LAMA3: variants seen among roughly 807,000 people sequenced by gnomAD.
The protein encoded by LAMA3 is laminin subunit alpha 3.
LAMA3 carries 281 observed loss-of-function variants against 402.0 expected under a neutral mutation model. The ratio of observed to expected loss-of-function variants is 0.70; its 90% CI spans 0.63 to 0.77. LAMA3 has a LOEUF of 0.77. Among genes scored for constraint, LAMA3 ranks in the 30% least tolerant of loss-of-function variants. The pLI, the probability that LAMA3 is intolerant of heterozygous loss-of-function variation, is 0.00. For synonymous variants in LAMA3, 1,431 were observed against 1,558.4 expected, an observed-to-expected ratio of 0.92 and a Z score of 1.93; for missense variants, 3,840 against 4,215.5, an observed-to-expected ratio of 0.91 and a Z score of 2.47.
intron 8 of LAMA3, among the ~76,000 whole-genome samples, chr18:23,772,737 G>A (rs2062228188): frequency 6.6e-6 from 1 of 152,166 alleles, no homozygotes; most frequent in Non-Finnish European, 1.5e-5. Context: ...TTGTGTTTTT[G>A]TTCTTGTTAA....
At chr18:23,697,987 CCTCTT>C (rs1004074283) in intron 1 of LAMA3, among the ~76,000 whole-genome samples, 5 of 151,970 alleles carry the variant, frequency 3.3e-5, no homozygotes, top group Admixed American at 1.3e-4. Flanking sequence ...GTCCCCAACT[CCTCTT>C]CTTATAGGGA....
intron 37 of LAMA3, 46 bp from the exon 38 acceptor site, chr18:23,871,385 G>C (rs757599638): frequency 1.1e-5 from 17 of 1,543,998 alleles, no homozygotes; most frequent in South Asian, 2.2e-5. Flanking sequence ...ACCCCTGGAA[G>C]TGAGCCTGCC....
chr18:23,810,856 G>A (rs760705644), intron 13 of LAMA3, among the ~76,000 whole-genome samples: 1 of 152,102 alleles, frequency 6.6e-6, no homozygotes, highest in Non-Finnish European at 1.5e-5. Flanking sequence ...CTTCTGTCCC[G>A]AGGCATCATG....
At chr18:23,806,016 A>G (rs571975034) in intron 12 of LAMA3, among the ~76,000 whole-genome samples, 14 of 152,174 alleles carry the variant, frequency 9.2e-5, no homozygotes, top group Non-Finnish European at 2.1e-4. Flanking sequence ...TTCCACTTCT[A>G]CAAAGCAAGT....
chr18:23,702,966 T>C (rs2060818353), intron 1 of LAMA3, among the ~76,000 whole-genome samples: 1 of 152,342 alleles, frequency 6.6e-6, no homozygotes, highest in African/African-American at 2.4e-5. Flanking sequence ...ATTGAGTTAA[T>C]GCATATAAAG....
rs577661679 is a variant in LAMA3 at position 23,712,772 on chromosome 18, A to G, written c.295-1148A>G. Among the ~76,000 whole-genome samples the G allele has an allele frequency of 6.0e-5, 9 of 151,126 alleles. 1 individual carries two copies. In the South Asian group the frequency reaches 1.9e-3, roughly 32 times the overall value. The stretch of plus-strand genomic sequence containing the variant: ...TCTGAACACTTAAGAATTAACTTCT[A>G]AGATGCTGGCTAGGGGCAGAGCTAC... On this transcript the variant is annotated intron_variant, in intron 1 of 74. Coordinates refer to ENST00000313654, the MANE Select transcript of LAMA3 (RefSeq NM_198129.4).
At chr18:23,939,119 A>AAGGGG in intron 67 of LAMA3, 104 bp from the exon 68 acceptor site, 1 of 1,237,980 alleles carries the variant, frequency 8.1e-7, no homozygotes, top group East Asian at 2.3e-5. Context: ...TGCCCTACTG[A>AAGGGG]ATTCCTCACT....
intron 41 of LAMA3, among the ~76,000 whole-genome samples, chr18:23,889,594 T>C (rs893896933): frequency 1.5e-5 from 2 of 132,360 alleles, no homozygotes; most frequent in Non-Finnish European, 3.3e-5. Flanking sequence ...AAGAGAGAAA[T>C]AAAGAAAGAA....
At position 23,759,612 on chromosome 18, in the gene LAMA3, G is replaced by C. The variant is rs149494065; in HGVS notation, c.1063+1101G>C. Among the ~76,000 whole-genome samples, 306 of 152,252 alleles carry C rather than the reference G, an allele frequency of 2.0e-3. 1 individual carries two copies. Among genetic ancestry groups the C allele is most frequent in the African/African-American group, 7.1e-3 (297 of 41,556 alleles). ...AGTAGGGATGGGGTTTCGCCATGTTGGCCAGGCTGGTCTTGAACTCCTAGC... is the reference window on the plus strand; with the variant it reads ...AGTAGGGATGGGGTTTCGCCATGTTCGCCAGGCTGGTCTTGAACTCCTAGC... On this transcript the variant is annotated intron_variant, in intron 7 of 74. Coordinates refer to ENST00000313654, the MANE Select transcript of LAMA3 (RefSeq NM_198129.4).
intron 62 of LAMA3, among the ~76,000 whole-genome samples, chr18:23,924,628 T>TCCA (rs2081950519): frequency 7.0e-6 from 1 of 142,424 alleles, no homozygotes; most frequent in Non-Finnish European, 1.5e-5. Flanking sequence ...TACTGCAACC[T>TCCA]CCACCTCCCG....
intron 20 of LAMA3, 61 bp downstream of exon 20, chr18:23,822,436 T>G: frequency 6.5e-7 from 1 of 1,533,624 alleles, no homozygotes; most frequent in Non-Finnish European, 9.0e-7. Flanking sequence ...AGTGAAACAC[T>G]TTCTCTGATT....
intron 12 of LAMA3, among the ~76,000 whole-genome samples, chr18:23,797,765 T>C (rs2144151290): frequency 6.6e-6 from 1 of 152,278 alleles, no homozygotes; most frequent in African/African-American, 2.4e-5. Context: ...TTAAAACCCT[T>C]CTAAGCTGCT....
chr18:23,805,480 C>T (rs1297041989), intron 12 of LAMA3, among the ~76,000 whole-genome samples: 1 of 152,312 alleles, frequency 6.6e-6, no homozygotes, highest in South Asian at 2.1e-4. Context: ...ATCATAATAA[C>T]TTCCACTCCA....
At chr18:23,917,541 G>T (rs1433589975) in intron 60 of LAMA3, among the ~76,000 whole-genome samples, 3 of 151,966 alleles carry the variant, frequency 2.0e-5, no homozygotes, top group Admixed American at 6.6e-5. Flanking sequence ...ATTATTTTTT[G>T]ACTTTTTCAT....
At chr18:23,921,200 T>C in intron 61 of LAMA3, 146 bp downstream of exon 61, 1 of 1,034,606 alleles carries the variant, frequency 9.7e-7, no homozygotes, top group Non-Finnish European at 1.4e-6. Context: ...TTTTAAAATT[T>C]GCACATTTCG....
At chr18:23,724,247 G>A (rs866727075) in intron 2 of LAMA3, among the ~76,000 whole-genome samples, 1 of 152,106 alleles carries the variant, frequency 6.6e-6, no homozygotes, top group Non-Finnish European at 1.5e-5. Context: ...TCAATGGTAT[G>A]TACGTATACA....
intron 12 of LAMA3, among the ~76,000 whole-genome samples, chr18:23,789,172 C>A (rs1173896006): frequency 6.6e-6 from 1 of 152,026 alleles, no homozygotes; most frequent in African/African-American, 2.4e-5. Context: ...CAGGCAATAA[C>A]AAGCGTTGGC....
At chr18:23,904,205 A>T in intron 50 of LAMA3, 118 bp downstream of exon 50, 1 of 1,183,420 alleles carries the variant, frequency 8.5e-7, no homozygotes, top group Non-Finnish European at 1.3e-6. Context: ...TGGAGGGCGG[A>T]GGGTGGGGTC....
At chr18:23,846,073 G>T (rs1016638099) in intron 30 of LAMA3, among the ~76,000 whole-genome samples, 6 of 152,046 alleles carry the variant, frequency 3.9e-5, no homozygotes, top group Non-Finnish European at 8.8e-5. Flanking sequence ...CAAGGTTCCC[G>T]CTGACCTGTT....
Sources: allele counts gnomAD v4.1 joint callset (sites outside exome capture counted in the v4.1 genomes callset), GRCh38; gene constraint gnomAD v4.1.1; transcripts MANE v1.5; gene names NCBI Gene and HGNC (gene_info 2026-07-23, HGNC 2026-07-21).